Variants in ATG7 observed in about 807,000 individuals in gnomAD.
ATG7 encodes ubiquitin-like modifier-activating enzyme ATG7.
ATG7 carries 70 observed loss-of-function variants against 82.4 expected under a neutral mutation model. The observed-to-expected ratio is 0.85, with a 90% confidence interval of 0.70 to 1.04. The LOEUF (loss-of-function observed/expected upper bound fraction) is 1.04, where lower values mean the gene tolerates loss of function less well. ATG7 is among the 50% of genes least tolerant of loss of function. The probability of loss-of-function intolerance (pLI) is 0.00; values close to 1 mark genes in which losing one functional copy is unlikely to be tolerated. For synonymous variants in ATG7, 287 were observed against 313.0 expected (o/e 0.92, Z 0.88); for missense variants, 792 against 864.3 (o/e 0.92, Z 1.05).
intron 9 of ATG7, among the ~76,000 whole-genome samples, chr3:11,326,303 G>A (rs944981322): frequency 4.0e-5 from 6 of 149,358 alleles, no homozygotes; most frequent in African/African-American, 1.5e-4. Flanking sequence ...TTTTGTTGTT[G>A]TTGTTTTGTT....
rs182353540 is a variant in ATG7, at chr3:11,484,950, A to C, written c.2079+58024A>C. On this transcript the variant is annotated intron_variant, in intron 20 of 20. Transcript: ENST00000693202. ...TCTTAATCCAGTCTATCGTTGTTGG[A>C]CAGTTGGGTTGGTTCCAAGTCTTTG... Among the ~76,000 whole-genome samples the C allele has an allele frequency of 6.2e-4, 94 of 152,230 alleles. 1 individual carries two copies. Among genetic ancestry groups the C allele is most frequent in the African/African-American group, 2.2e-3 (91 of 41,500 alleles).
intron 1 of ATG7, among the ~76,000 whole-genome samples, chr3:11,279,608 C>T (rs1204748884): frequency 3.3e-5 from 5 of 152,092 alleles, no homozygotes; most frequent in East Asian, 1.9e-4. Context: ...CGCTTGAACC[C>T]GGGAGGCAGA....
chr3:11,517,827 C>T (rs1559789020), intron 20 of ATG7, among the ~76,000 whole-genome samples: 2 of 152,182 alleles, frequency 1.3e-5, no homozygotes, highest in South Asian at 4.1e-4. Flanking sequence ...GGGGCCGTGC[C>T]ATGCAAGGCT....
chr3:11,427,390 C>T (rs773409146), intron 20 of ATG7, among the ~76,000 whole-genome samples: 2 of 152,108 alleles, frequency 1.3e-5, no homozygotes, highest in African/African-American at 2.4e-5. Flanking sequence ...AGACCCTGAA[C>T]CCCACCATGA....
At chr3:11,312,445 C>T (rs1294408399) in intron 7 of ATG7, among the ~76,000 whole-genome samples, 1 of 152,186 alleles carries the variant, frequency 6.6e-6, no homozygotes, top group African/African-American at 2.4e-5. Flanking sequence ...CCCTGGATCT[C>T]CTACCCTGGT....
intron 20 of ATG7, among the ~76,000 whole-genome samples, chr3:11,517,362 G>GAA (rs1423287146): frequency 6.6e-6 from 1 of 151,258 alleles, no homozygotes; most frequent in East Asian, 1.9e-4. Context: ...GAAAAGAAAA[G>GAA]AAAAGAAAAA....
intron 9 of ATG7, among the ~76,000 whole-genome samples, chr3:11,317,198 C>T (rs1949540918): frequency 6.6e-6 from 1 of 151,938 alleles, no homozygotes; most frequent in African/African-American, 2.4e-5. Flanking sequence ...AAATTCTTTC[C>T]CCCAGGTGAT....
chr3:11,348,091 G>A, intron 14 of ATG7, 56 bp downstream of exon 14: 1 of 1,540,074 alleles, frequency 6.5e-7, no homozygotes, highest in Admixed American at 1.9e-5. Flanking sequence ...TTTAAGTCTT[G>A]GGAAATGAGG....
chr3:11,315,066 C>T (rs142950852), intron 8 of ATG7, among the ~76,000 whole-genome samples: 66 of 152,196 alleles, frequency 4.3e-4, no homozygotes, highest in African/African-American at 1.5e-3. Context: ...GTTTCGTTAC[C>T]GCTCTAAAAC....
At chr3:11,425,640 G>A (rs879689856) in intron 19 of ATG7, among the ~76,000 whole-genome samples, 5 of 152,112 alleles carry the variant, frequency 3.3e-5, no homozygotes, top group Non-Finnish European at 5.9e-5. Flanking sequence ...CTCCTCTCAA[G>A]TGTATAGGCC....
chr3:11,374,010 A>G (rs1246188382), intron 18 of ATG7, among the ~76,000 whole-genome samples: 1 of 152,224 alleles, frequency 6.6e-6, no homozygotes, highest in African/African-American at 2.4e-5. Flanking sequence ...TCACTGTGCT[A>G]TGAGTAAATA....
intron 20 of ATG7, among the ~76,000 whole-genome samples, chr3:11,434,146 T>C (rs896666429): frequency 6.6e-6 from 1 of 152,232 alleles, no homozygotes; most frequent in African/African-American, 2.4e-5. Context: ...CACTGAGATT[T>C]TGGCCTCTCC....
At chr3:11,395,474 G>A (rs1576036776) in intron 19 of ATG7, among the ~76,000 whole-genome samples, 1 of 152,090 alleles carries the variant, frequency 6.6e-6, no homozygotes, top group Non-Finnish European at 1.5e-5. Flanking sequence ...GGAATATAAA[G>A]ACATCTTAAA....
At chr3:11,568,668 C>A in the ATG7 span, 5 of 1,557,362 alleles carry the variant, frequency 3.2e-6, no homozygotes, top group Non-Finnish European at 4.3e-6. The surrounding 1 kb of genome is among the most constrained non-coding windows in gnomAD (Gnocchi z 5.9). Context: ...AGGCCCCGCT[C>A]GCCCGGATGA....
chr3:11,319,279 A>G (rs1339568716), intron 9 of ATG7, among the ~76,000 whole-genome samples: 1 of 152,176 alleles, frequency 6.6e-6, no homozygotes, highest in African/African-American at 2.4e-5. Flanking sequence ...TCGAGCCACG[A>G]CATTTCCTTG....
intron 9 of ATG7, among the ~76,000 whole-genome samples, chr3:11,324,943 A>G (rs1950656238): frequency 6.6e-6 from 1 of 152,238 alleles, no homozygotes; most frequent in Non-Finnish European, 1.5e-5. Flanking sequence ...TCAACAATGG[A>G]CCACATATAC....
At chr3:11,564,925 C>A in the ATG7 span, 1 of 1,591,830 alleles carries the variant, frequency 6.3e-7, no homozygotes. Flanking sequence ...AGGTGGCTGC[C>A]GTGCAGGCTC....
chr3:11,373,907 T>C (rs566969714), intron 18 of ATG7, among the ~76,000 whole-genome samples: 65 of 152,348 alleles, frequency 4.3e-4, no homozygotes, highest in African/African-American at 1.3e-3. Context: ...GGGACCTATT[T>C]TCTCTGTATA....
In ATG7 at chr3:11,400,700, A is replaced by G. The variant is rs563345321; in HGVS notation, c.1956+20648A>G. On this transcript the variant is annotated intron_variant, in intron 19 of 20. Transcript: ENST00000693202. ...GAGAATAACCTCAACAGCCATGCAG[A>G]TTGGAGAGAGAGAATAATGTATAAA... 1.2e-4 allele frequency among the ~76,000 whole-genome samples: 19 copies of G among 152,296 alleles called. No individual in the cohort carries two copies. The South Asian group carries it at 3.9e-3, about 32-fold the overall frequency.
Sources: allele counts gnomAD v4.1 joint callset (sites outside exome capture counted in the v4.1 genomes callset), GRCh38; gene constraint gnomAD v4.1.1; non-coding constraint Gnocchi (gnomAD v3.1); transcripts MANE v1.5; gene names NCBI Gene and HGNC (gene_info 2026-07-23, HGNC 2026-07-21).